Variants in CLTCL1 observed in about 807,000 individuals in gnomAD.
CLTCL1 encodes clathrin heavy chain 2.
In CLTCL1, 159 loss-of-function variants were observed where a neutral mutation model predicts 190.0. The ratio of observed to expected loss-of-function variants is 0.84; its 90% CI spans 0.74 to 0.95. The LOEUF is 0.95. Ranked by LOEUF, CLTCL1 falls within the 40% of genes least tolerant of loss-of-function variation. CLTCL1 has a pLI of 0.00. For synonymous variants in CLTCL1, 752 were observed against 769.6 expected, an observed-to-expected ratio of 0.98 and a Z score of 0.38; for missense variants, 1,878 against 2,033.4, an observed-to-expected ratio of 0.92 and a Z score of 1.47.
In CLTCL1 at chr22:19,223,720, T is replaced by C. The variant is rs534701076; in HGVS notation, c.2292+171A>G. 1.0e-3 allele frequency among the ~76,000 whole-genome samples: 154 copies of C among 152,330 alleles called. 1 individual carries two copies. The highest frequency in any genetic ancestry group is 3.5e-3 in the African/African-American group (146 of 41,584). On this transcript the variant is annotated intron_variant, in intron 14 of 32. Transcript: ENST00000427926. ...GCTGCTTTCCACACTCTTAAAACGA[T>C]AGAAGGGTTACTTTAGAACTTTAAG...
intron 30 of CLTCL1, 82 bp from the exon 31 acceptor site, chr22:19,180,888 G>A: frequency 8.4e-7 from 1 of 1,189,530 alleles, no homozygotes; most frequent in Non-Finnish European, 1.3e-6. Flanking sequence ...GGAAGGTCAG[G>A]ACACAGGGCC....
chr22:19,232,878 C>A, intron 9 of CLTCL1: 1 of 559,690 alleles, frequency 1.8e-6, no homozygotes, highest in Non-Finnish European at 3.1e-6. Context: ...GGGATAAGAT[C>A]TGGGAGTCTG....
chr22:19,222,868 C>T (rs2085619874), intron 14 of CLTCL1, 59 bp from the exon 15 acceptor site: 6 of 1,554,502 alleles, frequency 3.9e-6, no homozygotes, highest in East Asian at 2.4e-5. Flanking sequence ...AGCCAGACCT[C>T]GGACTCATTG....
rs11375007 is a variant in CLTCL1, at chr22:19,227,277, CTTTTTTTT to C, written c.1783-902_1783-895del. 2.5e-5 allele frequency among the ~76,000 whole-genome samples: 3 copies of C among 121,094 alleles called. No individual in the cohort carries two copies. The East Asian group carries it at 7.2e-4, about 29-fold the overall frequency. The allele number at this position is 121,094 out of a possible 152,430, so 79.4% of individuals were successfully genotyped here. On this transcript the variant is annotated intron_variant, in intron 11 of 32. Coordinates refer to ENST00000427926, the MANE Select transcript of CLTCL1 (RefSeq NM_007098.4). The stretch of plus-strand genomic sequence containing the variant: ...AAACAATTTTGATGAGGCATAAAAT[CTTTTTTTT>C]TTTTTTTTTTTTGAGACAGGGTCTC...
At chr22:19,275,380 G>C (rs1292825952) in intron 2 of CLTCL1, among the ~76,000 whole-genome samples, 1 of 151,932 alleles carries the variant, frequency 6.6e-6, no homozygotes, top group Non-Finnish European at 1.5e-5. Flanking sequence ...GAAGACAAAG[G>C]CCTGGGCATT....
intron 3 of CLTCL1, chr22:19,249,918 G>A (rs1180705016): frequency 2.1e-5 from 9 of 434,314 alleles, no homozygotes; most frequent in East Asian, 6.9e-5. Flanking sequence ...ATGACTGATG[G>A]TATGCTAAGG....
At chr22:19,265,621 CA>C (rs1249741988) in intron 2 of CLTCL1, among the ~76,000 whole-genome samples, 3 of 151,966 alleles carry the variant, frequency 2.0e-5, no homozygotes, top group Non-Finnish European at 2.9e-5. Flanking sequence ...TGCATTTTAA[CA>C]GAAGTTAATA....
chr22:19,235,293 C>T (rs1029758613), intron 6 of CLTCL1, among the ~76,000 whole-genome samples: 2 of 152,206 alleles, frequency 1.3e-5, no homozygotes, highest in Non-Finnish European at 2.9e-5. Context: ...CCTCAACCTC[C>T]CATGCAGTTG....
rs538671775 is a variant in CLTCL1, at chr22:19,182,984, C to T, written c.4827+406G>A. The T allele has an allele frequency of 9.0e-4, 224 of 248,668 alleles. 2 individuals carry two copies. In the South Asian group the frequency reaches 0.012, roughly 13 times the overall value. The allele number at this position is 248,668 out of a possible 1,614,324, so 15.4% of individuals were successfully genotyped here. A position where few individuals can be genotyped will look rare whatever the true frequency, so the allele number is the denominator to read the frequency against. ...TGTGTTCAGCAAAAGGCAGCTACCACCAACCGTATGCTAACAGCTGCACCC... is the reference window on the plus strand; with the variant it reads ...TGTGTTCAGCAAAAGGCAGCTACCATCAACCGTATGCTAACAGCTGCACCC... On this transcript the variant is annotated intron_variant, in intron 30 of 32. Coordinates refer to ENST00000427926, the MANE Select transcript of CLTCL1 (RefSeq NM_007098.4).
intron 18 of CLTCL1, among the ~76,000 whole-genome samples, chr22:19,218,903 A>C (rs539227208): frequency 1.8e-4 from 27 of 152,246 alleles, no homozygotes; most frequent in African/African-American, 5.8e-4. Flanking sequence ...CATAAAGAGC[A>C]CCTCAACAAA....
At chr22:19,220,514 C>T (rs1254863288) in intron 17 of CLTCL1, among the ~76,000 whole-genome samples, 1 of 152,248 alleles carries the variant, frequency 6.6e-6, no homozygotes, top group Admixed American at 6.5e-5. Flanking sequence ...ACTGTGCTTT[C>T]ACTGGTAGAT....
In CLTCL1 at chr22:19,285,539, A is replaced by G. The variant is rs568217376; in HGVS notation, c.42+6061T>C. On this transcript the variant is annotated intron_variant, in intron 1 of 32. Transcript: ENST00000427926. ...CTATATTTATCCCAGTTAAATGTCA[A>G]CTAGCTGGATTCTGGCCTGTCAAGA... Among the ~76,000 whole-genome samples, 13 of 152,342 alleles carry G rather than the reference A, an allele frequency of 8.5e-5. No individual in the cohort carries two copies. In the South Asian group the frequency reaches 2.3e-3, roughly 27 times the overall value.
chr22:19,267,267 A>G (rs1260396096), intron 2 of CLTCL1, among the ~76,000 whole-genome samples: 2 of 152,222 alleles, frequency 1.3e-5, no homozygotes, highest in African/African-American at 2.4e-5. Context: ...AATTTAACAA[A>G]GAAGTATAGG....
intron 23 of CLTCL1, among the ~76,000 whole-genome samples, chr22:19,200,788 G>C (rs890641824): frequency 6.6e-6 from 1 of 152,202 alleles, no homozygotes; most frequent in Non-Finnish European, 1.5e-5. Context: ...CTTGCAGTGA[G>C]CCGAGATCGT....
intron 4 of CLTCL1, among the ~76,000 whole-genome samples, chr22:19,241,717 T>C (rs1379577981): frequency 6.6e-6 from 1 of 152,210 alleles, no homozygotes; most frequent in Non-Finnish European, 1.5e-5. Flanking sequence ...TCACAAGCTC[T>C]TCTGTCTCCT....
intron 32 of CLTCL1, 28 bp downstream of exon 32, chr22:19,180,171 T>TAA: frequency 6.2e-7 from 1 of 1,606,034 alleles, no homozygotes; most frequent in Non-Finnish European, 8.5e-7. Flanking sequence ...GGCTAGAGGA[T>TAA]AAGCTAGTCT....
rs782589751 is a variant in CLTCL1 at position 19,184,417 on chromosome 22, C to A, written c.4606-806G>T. ...ACACCTCTGAGTTCCGTTTGGGAGA[C>A]CCCTGAGGACGCCCAGTGCCCACAT... On this transcript the variant is annotated intron_variant, in intron 29 of 32. Transcript: ENST00000427926. 4.3e-4 allele frequency: 196 copies of A among 454,214 alleles called. 2 individuals carry two copies. The highest frequency in any genetic ancestry group is 2.4e-3 in the Middle Eastern group (7 of 2,890). 28.1% of individuals were successfully genotyped at this position (454,214 alleles called of 1,614,324 possible). A position where few individuals can be genotyped will look rare whatever the true frequency, so the allele number is the denominator to read the frequency against.
intron 5 of CLTCL1, among the ~76,000 whole-genome samples, chr22:19,237,992 A>T (rs1448095714): frequency 6.6e-6 from 1 of 152,252 alleles, no homozygotes; most frequent in Non-Finnish European, 1.5e-5. Flanking sequence ...ATAATCTTAC[A>T]TATATAATGT....
intron 2 of CLTCL1, chr22:19,257,512 C>G (rs1296898232): frequency 3.4e-6 from 1 of 294,584 alleles, no homozygotes; most frequent in African/African-American, 2.2e-5. Context: ...CTTTCCTCCC[C>G]AGACAGCATG....
Sources: allele counts gnomAD v4.1 joint callset (sites outside exome capture counted in the v4.1 genomes callset), GRCh38; gene constraint gnomAD v4.1.1; transcripts MANE v1.5; gene names NCBI Gene and HGNC (gene_info 2026-07-23, HGNC 2026-07-21).